The following CXCL17 variants were observed in gnomAD, a reference collection of about 807,000 sequenced individuals.
The protein encoded by CXCL17 is C-X-C motif chemokine ligand 17.
A neutral mutation model predicts 15.5 loss-of-function variants in CXCL17; 9 were observed. The observed-to-expected ratio is 0.58, with a 90% CI of 0.35 to 1.01. CXCL17 has a LOEUF of 1.01. Ranked by LOEUF, CXCL17 falls within the 50% of genes least tolerant of loss-of-function variation. The pLI is 0.02. For missense variants in CXCL17, 133 were observed against 138.2 expected, an observed-to-expected ratio of 0.96 and a Z score of 0.19; for synonymous variants, 52 against 52.3, an observed-to-expected ratio of 0.99 and a Z score of 0.02.
At chr19:42,429,467 T>A (rs1777989763) in intron 3 of CXCL17, among the ~76,000 whole-genome samples, 1 of 151,960 alleles carries the variant, frequency 6.6e-6, no homozygotes, top group African/African-American at 2.4e-5. Flanking sequence ...TAGCTGGGAT[T>A]ACAGGCACCC....
At chr19:42,429,279 G>A (rs771609407) in intron 3 of CXCL17, among the ~76,000 whole-genome samples, 1 of 143,210 alleles carries the variant, frequency 7.0e-6, no homozygotes, top group African/African-American at 2.6e-5. Context: ...CACCCACCTC[G>A]GCCTCCCAAA....
chr19:42,438,410 T>TACACACAC (rs145217809), intron 1 of CXCL17, among the ~76,000 whole-genome samples: 8 of 90,018 alleles, frequency 8.9e-5, no homozygotes, highest in South Asian at 3.4e-4. Flanking sequence ...ATATATAAAA[T>TACACACAC]ACACACACAC....
At chr19:42,441,833 T>A (rs561909777) in intron 1 of CXCL17, among the ~76,000 whole-genome samples, 14 of 152,348 alleles carry the variant, frequency 9.2e-5, no homozygotes, top group African/African-American at 3.1e-4. Context: ...GGAGCAGATT[T>A]GGAACCCCTA....
At chr19:42,430,625 AAT>A (rs1443082498) in intron 3 of CXCL17, among the ~76,000 whole-genome samples, 1 of 151,658 alleles carries the variant, frequency 6.6e-6, no homozygotes, top group African/African-American at 2.4e-5. Context: ...GAAAGAAAGA[AAT>A]AGAATATTGC....
intron 3 of CXCL17, among the ~76,000 whole-genome samples, chr19:42,432,141 GTTTTTTTTT>G (rs370344388): frequency 9.2e-6 from 1 of 108,622 alleles, no homozygotes; most frequent in Non-Finnish European, 1.8e-5. Flanking sequence ...TGCCAATTTA[GTTTTTTTTT>G]TTTTTTTTTT....
chr19:42,440,152 AC>A (rs1192873353), intron 1 of CXCL17, among the ~76,000 whole-genome samples: 1 of 152,102 alleles, frequency 6.6e-6, no homozygotes, highest in African/African-American at 2.4e-5. Flanking sequence ...AGTGATTAGA[AC>A]AATGCTTGTG....
chr19:42,438,354 CAAAAAAAAAAAAAA>C (rs34157586), intron 1 of CXCL17, among the ~76,000 whole-genome samples: 3 of 17,456 alleles, frequency 1.7e-4, no homozygotes, highest in African/African-American at 4.2e-4. Flanking sequence ...GACTCTGTCT[CAAAAAAAAAAAAAA>C]AAAAAAAAAA....
chr19:42,441,227 A>C lies in CXCL17; in HGVS notation c.79+1527T>G, dbSNP rs1455001126. Among the ~76,000 whole-genome samples the C allele has an allele frequency of 1.3e-5, 2 of 152,166 alleles. 1 individual carries two copies. Among genetic ancestry groups the C allele is most frequent in the South Asian group, 4.1e-4 (2 of 4,830 alleles). On this transcript the variant is annotated intron_variant, in intron 1 of 3. Transcript: ENST00000601181. ...GGAAAGGCACATGAAGGCCCTCAAT[A>C]TAAGGCAGCAGATGATAAGTGCAAG... is the stretch of plus-strand genomic sequence containing the variant.
chr19:42,428,733 A>G lies in CXCL17; in HGVS notation c.*151T>C. On this transcript the variant is annotated 3_prime_UTR_variant, in exon 4 of 4. Coordinates refer to ENST00000601181, the MANE Select transcript of CXCL17 (RefSeq NM_198477.3). ...ACTAGAGAGAGCAACAAACAAAATG[A>G]TCTTGAAAAACATGCTTTTTGAGAG... 1 of 689,042 alleles carries G rather than the reference A, an allele frequency of 1.5e-6. No individual in the cohort carries two copies. The highest frequency in any genetic ancestry group is 1.7e-5 in the South Asian group (1 of 59,318). 42.7% of individuals were successfully genotyped at this position (689,042 alleles called of 1,614,324 possible).
intron 1 of CXCL17, 106 bp downstream of exon 1, chr19:42,442,648 C>T (rs1600167876): frequency 2.6e-6 from 2 of 766,794 alleles, no homozygotes; most frequent in East Asian, 5.1e-5. Flanking sequence ...GAAAGGCTCA[C>T]TTGCCCCATC....
At chr19:42,433,910 C>A in intron 1 of CXCL17, 54 bp from the exon 2 acceptor site, 1 of 1,383,978 alleles carries the variant, frequency 7.2e-7, no homozygotes, top group South Asian at 1.2e-5. Context: ...CAGAAATGAT[C>A]CTCCCAGCAT....
At chr19:42,429,216 A>G (rs1297206014) in intron 3 of CXCL17, among the ~76,000 whole-genome samples, 6 of 151,930 alleles carry the variant, frequency 3.9e-5, no homozygotes, top group South Asian at 2.1e-4. Flanking sequence ...TAGTAGAGAC[A>G]GGGTTTCACC....
At chr19:42,433,522 G>A (rs1188424570) in intron 2 of CXCL17, among the ~76,000 whole-genome samples, 1 of 152,236 alleles carries the variant, frequency 6.6e-6, no homozygotes, top group Non-Finnish European at 1.5e-5. Flanking sequence ...CGGTAGCTCT[G>A]GGTTCTTCAG....
chr19:42,431,786 C>T (rs1370928604), intron 3 of CXCL17, among the ~76,000 whole-genome samples: 3 of 151,910 alleles, frequency 2.0e-5, no homozygotes, highest in Non-Finnish European at 4.4e-5. Context: ...CTGGATCCTC[C>T]TGCCTCAGCC....
chr19:42,433,106 G>T (rs2040799828), intron 2 of CXCL17, 29 bp from the exon 3 acceptor site: 2 of 1,506,944 alleles, frequency 1.3e-6, no homozygotes, highest in African/African-American at 1.4e-5. Context: ...TGCTTAGATG[G>T]GAGAGTTAAT....
chr19:42,435,394 T>C (rs911634126), intron 1 of CXCL17, among the ~76,000 whole-genome samples: 5 of 152,128 alleles, frequency 3.3e-5, no homozygotes, highest in Admixed American at 2.6e-4. Flanking sequence ...ATGGACTGAA[T>C]TGTGTCTCCC....
chr19:42,431,402 T>G (rs1260064235), intron 3 of CXCL17, among the ~76,000 whole-genome samples: 1 of 152,222 alleles, frequency 6.6e-6, no homozygotes, highest in Non-Finnish European at 1.5e-5. Context: ...CTTTTGATGA[T>G]CAAAATTTCA....
chr19:42,436,153 C>T (rs1448000545), intron 1 of CXCL17, among the ~76,000 whole-genome samples: 1 of 149,080 alleles, frequency 6.7e-6, no homozygotes, highest in Non-Finnish European at 1.5e-5. Flanking sequence ...AGGCATTTGG[C>T]AAATGTTTGT....
intron 1 of CXCL17, among the ~76,000 whole-genome samples, chr19:42,434,954 C>T (rs1017483470): frequency 4.0e-5 from 6 of 151,148 alleles, no homozygotes; most frequent in African/African-American, 7.3e-5. Flanking sequence ...CTGAGGCAGG[C>T]GGATCATGAG....
Sources: allele counts gnomAD v4.1 joint callset (sites outside exome capture counted in the v4.1 genomes callset), GRCh38; gene constraint gnomAD v4.1.1; transcripts MANE v1.5; gene names NCBI Gene and HGNC (gene_info 2026-07-23, HGNC 2026-07-21).